ALK: variants seen among roughly 807,000 people sequenced by gnomAD.
ALK encodes the protein ALK tyrosine kinase receptor.
Under a neutral mutation model 163.1 loss-of-function variants are expected in ALK, and 74 were observed. The ratio of observed to expected loss-of-function variants is 0.45; its 90% CI spans 0.38 to 0.55. ALK has a LOEUF of 0.55. ALK is among the 20% of genes least tolerant of loss of function. The pLI is 0.00. For missense variants in ALK, 2,063 were observed against 2,105.3 expected (o/e 0.98, Z 0.39); for synonymous variants, 960 against 843.2 (o/e 1.14, Z -2.40).
intron 3 of ALK, among the ~76,000 whole-genome samples, chr2:29,591,143 C>T (rs6709634): frequency 0.43 from 63,167 of 146,854 alleles, 14,027 homozygotes; most frequent in East Asian, 0.53. Context: ...TGGTCCTGAA[C>T]GAAGTCTTAC....
At chr2:29,802,985 T>A (rs867662729) in intron 1 of ALK, among the ~76,000 whole-genome samples, 1 of 152,114 alleles carries the variant, frequency 6.6e-6, no homozygotes, top group Admixed American at 6.6e-5. Context: ...AATGGGATTT[T>A]AAAAAAATAA....
intron 3 of ALK, among the ~76,000 whole-genome samples, chr2:29,615,547 T>C (rs1368051380): frequency 1.3e-5 from 2 of 152,224 alleles, no homozygotes; most frequent in African/African-American, 2.4e-5. Flanking sequence ...AGTGCTTCAA[T>C]ACATTTAGCG....
At chr2:29,275,317 A>T in intron 10 of ALK, 85 bp downstream of exon 10, 1 of 1,606,218 alleles carries the variant, frequency 6.2e-7, no homozygotes, top group Non-Finnish European at 8.5e-7. Context: ...TGGGAGAGAC[A>T]GTCAGGCTTA....
intron 3 of ALK, among the ~76,000 whole-genome samples, chr2:29,608,692 G>A (rs991134829): frequency 3.5e-4 from 54 of 152,214 alleles, no homozygotes; most frequent in Non-Finnish European, 5.4e-4. Context: ...TGTTTCCACC[G>A]TCCTAATGAC....
intron 3 of ALK, among the ~76,000 whole-genome samples, chr2:29,554,921 G>A (rs1292573041): frequency 2.0e-5 from 3 of 152,144 alleles, no homozygotes; most frequent in Non-Finnish European, 4.4e-5. Flanking sequence ...ACTCCCACCA[G>A]CACCATGACA....
At chr2:29,731,084 C>T (rs1414696184) in intron 1 of ALK, among the ~76,000 whole-genome samples, 6 of 152,126 alleles carry the variant, frequency 3.9e-5, no homozygotes, top group Non-Finnish European at 8.8e-5. Context: ...CTGAGAGCGC[C>T]TCAGAAAGTT....
intron 1 of ALK, among the ~76,000 whole-genome samples, chr2:29,865,991 G>C (rs1331679698): frequency 6.6e-6 from 1 of 152,120 alleles, no homozygotes; most frequent in Non-Finnish European, 1.5e-5. Context: ...TCAGCATCTA[G>C]CCCATGCTTG....
intron 3 of ALK, among the ~76,000 whole-genome samples, chr2:29,683,885 A>G (rs1678155702): frequency 6.6e-6 from 1 of 152,148 alleles, no homozygotes. Flanking sequence ...TGTTTACAGA[A>G]TGGTCTCTTG....
chr2:29,592,698 G>T (rs954620326), intron 3 of ALK, among the ~76,000 whole-genome samples: 9 of 152,184 alleles, frequency 5.9e-5, no homozygotes, highest in African/African-American at 2.2e-4. Context: ...CTAACCGCTG[G>T]TACCTGCAAG....
intron 1 of ALK, among the ~76,000 whole-genome samples, chr2:29,909,452 C>T (rs1384462796): frequency 1.3e-5 from 2 of 149,344 alleles, no homozygotes; most frequent in Admixed American, 6.7e-5. Flanking sequence ...ACTAGACACA[C>T]ATACACACAC....
At chr2:29,493,139 G>A (rs1323535869) in intron 4 of ALK, among the ~76,000 whole-genome samples, 20 of 152,268 alleles carry the variant, frequency 1.3e-4, no homozygotes, top group South Asian at 6.2e-4. Context: ...TTACTTGAGC[G>A]TCAATAGCAA....
chr2:29,914,207 A>T (rs767248108), intron 1 of ALK, among the ~76,000 whole-genome samples: 1 of 152,214 alleles, frequency 6.6e-6, no homozygotes, highest in Non-Finnish European at 1.5e-5. Context: ...CCTCCTTTCC[A>T]TGCATATTTC....
At chr2:29,817,111 TCA>T (rs1339151210) in intron 1 of ALK, among the ~76,000 whole-genome samples, 1 of 151,676 alleles carries the variant, frequency 6.6e-6, no homozygotes, top group Non-Finnish European at 1.5e-5. Flanking sequence ...CTGCCCAAGG[TCA>T]CACAGCTTCA....
At chr2:29,545,618 A>G (rs1673532827) in intron 3 of ALK, among the ~76,000 whole-genome samples, 1 of 152,118 alleles carries the variant, frequency 6.6e-6, no homozygotes, top group African/African-American at 2.4e-5. Flanking sequence ...CCATGTGGGC[A>G]CTCAGTCCCT....
chr2:29,722,126 G>A (rs1679438735), intron 1 of ALK, among the ~76,000 whole-genome samples: 1 of 152,214 alleles, frequency 6.6e-6, no homozygotes, highest in Non-Finnish European at 1.5e-5. Flanking sequence ...GCTTCAGTGG[G>A]AAGATCCTCT....
chr2:29,620,061 C>T (rs993397152), intron 3 of ALK, among the ~76,000 whole-genome samples: 12 of 152,194 alleles, frequency 7.9e-5, no homozygotes, highest in Admixed American at 1.3e-4. Flanking sequence ...TGACCCCTTT[C>T]GTAATGCCTC....
chr2:29,610,004 C>T (rs1317995685), intron 3 of ALK, among the ~76,000 whole-genome samples: 1 of 152,182 alleles, frequency 6.6e-6, no homozygotes, highest in Non-Finnish European at 1.5e-5. Flanking sequence ...AAAGCTTCCA[C>T]ACATTGGCCC....
chr2:29,207,357 A>C (rs1669339018), intron 25 of ALK, 85 bp from the exon 26 acceptor site: 1 of 1,029,988 alleles, frequency 9.7e-7, no homozygotes, highest in Non-Finnish European at 1.5e-6. Context: ...GAAAGTGGCA[A>C]CAATATAGTC....
chr2:29,705,840 T>A (rs1036835310), intron 2 of ALK, among the ~76,000 whole-genome samples: 1 of 152,208 alleles, frequency 6.6e-6, no homozygotes, highest in Non-Finnish European at 1.5e-5. Flanking sequence ...GTCATTGCTG[T>A]TACTCTTTAA....
Sources: gnomAD v4.1 joint callset for allele counts (sites outside exome capture counted in the v4.1 genomes callset) on GRCh38, gnomAD v4.1.1 for gene constraint, MANE v1.5 for transcripts, NCBI Gene and HGNC (gene_info 2026-07-23, HGNC 2026-07-21) for gene names.